Variants in CNOT6 observed in about 807,000 individuals in gnomAD.
CNOT6 encodes the protein carbon catabolite repression 4 protein.
In CNOT6, 12 loss-of-function variants were observed where a neutral mutation model predicts 61.2. That is an observed-to-expected ratio of 0.20 (90% confidence interval 0.13 to 0.32). CNOT6 has a LOEUF of 0.32. Ranked by LOEUF, CNOT6 falls within the 10% of genes least tolerant of loss-of-function variation. CNOT6 has a pLI of 1.00. For synonymous variants in CNOT6, 225 were observed against 240.6 expected (o/e 0.94, Z 0.60); for missense variants, 405 against 663.9 (o/e 0.61, Z 4.28).
intron 2 of CNOT6, among the ~76,000 whole-genome samples, chr5:180,549,420 CGGGCA>C (rs1301518677): frequency 6.6e-6 from 1 of 152,008 alleles, no homozygotes; most frequent in Non-Finnish European, 1.5e-5. Context: ...GAGGCCAAGG[CGGGCA>C]GATCACAAGG....
At position 180,576,429 on chromosome 5, in the gene CNOT6, A is replaced by G. The variant is rs1270335631; in HGVS notation, c.*2229A>G. 6.6e-6 allele frequency: 1 copy of G among 152,652 alleles called. No individual in the cohort carries two copies. Among genetic ancestry groups the G allele is most frequent in the Non-Finnish European group, 1.5e-5 (1 of 68,044 alleles). The allele number at this position is 152,652 out of a possible 1,614,324, so 9.5% of individuals were successfully genotyped here. A position where few individuals can be genotyped will look rare whatever the true frequency, so the allele number is the denominator to read the frequency against. Reference sequence around the variant, plus strand: ...CTAGAGTGCACTTGTTAGATGCTAAAGGTTTGAGCTTTACACAAAATGTCT... The same window carrying G: ...CTAGAGTGCACTTGTTAGATGCTAAGGGTTTGAGCTTTACACAAAATGTCT... On this transcript the variant is annotated 3_prime_UTR_variant, in exon 12 of 12. Coordinates refer to ENST00000261951, the MANE Select transcript of CNOT6 (RefSeq NM_001370472.1).
intron 1 of CNOT6, among the ~76,000 whole-genome samples, chr5:180,523,612 C>G (rs1219735717): frequency 6.6e-6 from 1 of 152,070 alleles, no homozygotes; most frequent in Non-Finnish European, 1.5e-5. Flanking sequence ...TCTGCTTGGT[C>G]TTTGTGGGTA....
chr5:180,547,148 G>A (rs976990483), intron 2 of CNOT6, among the ~76,000 whole-genome samples: 2 of 152,154 alleles, frequency 1.3e-5, no homozygotes, highest in African/African-American at 4.8e-5. Flanking sequence ...TTTGTCAGAA[G>A]TTAATTTGCC....
intron 2 of CNOT6, among the ~76,000 whole-genome samples, chr5:180,535,994 T>TG (rs1343678177): frequency 1.3e-4 from 5 of 38,264 alleles, no homozygotes; most frequent in African/African-American, 3.1e-4. Flanking sequence ...TAGGGTTTTT[T>TG]TTTTTTTTTT....
intron 3 of CNOT6, 43 bp from the exon 4 acceptor site, chr5:180,553,343 G>T (rs373008937): frequency 5.1e-6 from 7 of 1,360,990 alleles, no homozygotes; most frequent in South Asian, 4.7e-5. Flanking sequence ...ACTGTTAAAG[G>T]CTAACATATT....
At chr5:180,542,389 C>CGA (rs1335381544) in intron 2 of CNOT6, among the ~76,000 whole-genome samples, 1 of 151,996 alleles carries the variant, frequency 6.6e-6, no homozygotes, top group African/African-American at 2.4e-5. Context: ...ATCAGCCTCC[C>CGA]GAGTAGCTGG....
At chr5:180,551,872 CT>C (rs762227651) in intron 3 of CNOT6, among the ~76,000 whole-genome samples, 240 of 140,410 alleles carry the variant, frequency 1.7e-3, no homozygotes, top group Non-Finnish European at 1.8e-3. Context: ...TTTTCTTTTT[CT>C]TTTTTTTTTT....
chr5:180,503,007 G>T (rs999020330), intron 1 of CNOT6, among the ~76,000 whole-genome samples: 8 of 152,076 alleles, frequency 5.3e-5, no homozygotes, highest in African/African-American at 1.9e-4. Flanking sequence ...ATTGTCATTT[G>T]GTTTTTAGTT....
intron 3 of CNOT6, among the ~76,000 whole-genome samples, chr5:180,551,902 T>C (rs981431706): frequency 4.0e-5 from 6 of 151,588 alleles, no homozygotes; most frequent in African/African-American, 1.5e-4. Flanking sequence ...GGAATTTTAC[T>C]CTTGTCGCCC....
At chr5:180,518,242 A>G (rs1300325230) in intron 1 of CNOT6, among the ~76,000 whole-genome samples, 1 of 152,122 alleles carries the variant, frequency 6.6e-6, no homozygotes, top group Non-Finnish European at 1.5e-5. Context: ...CTTCTGTATC[A>G]TGTTGACATG....
intron 4 of CNOT6, among the ~76,000 whole-genome samples, chr5:180,557,469 C>G (rs1759955630): frequency 6.6e-6 from 1 of 152,122 alleles, no homozygotes; most frequent in South Asian, 2.1e-4. Context: ...TTACATTTCC[C>G]CAATAAAGAT....
rs139798355 is a variant in CNOT6, at chr5:180,550,066, C to T, written c.248C>T (p.Ser83Phe). The T allele has an allele frequency of 6.8e-6, 11 of 1,613,970 alleles. No individual in the cohort carries two copies. The highest frequency in any genetic ancestry group is 8.5e-6 in the Non-Finnish European group (10 of 1,179,960). ...LHNLVYLDLS[S>F]NKIRSLPAEL... ...AATCTGGTGTATTTGGACCTGTCAT[C>T]TAATAAAATTCGTAGCTTACCCGCA... Residue 83 changes from serine (S) to phenylalanine (F), a missense_variant, in exon 3 of 12, where the codon TCT becomes TTT. This residue lies in a region of CNOT6 where 212 missense variants were observed against 307.1 expected (regional missense o/e 0.69). Transcript: ENST00000261951.
intron 7 of CNOT6, 104 bp downstream of exon 7, chr5:180,566,081 A>G: frequency 9.3e-7 from 1 of 1,078,790 alleles, no homozygotes; most frequent in Non-Finnish European, 1.3e-6. Context: ...TAGTTCTTAA[A>G]GTACTGCTTT....
chr5:180,555,870 T>TG (rs1213884313), intron 4 of CNOT6, among the ~76,000 whole-genome samples: 5 of 152,228 alleles, frequency 3.3e-5, no homozygotes, highest in Non-Finnish European at 7.3e-5. Flanking sequence ...TTGAAGTTGT[T>TG]GCAGAATGGC....
chr5:180,500,105 T>A (rs569700835), intron 1 of CNOT6, among the ~76,000 whole-genome samples: 1 of 116,408 alleles, frequency 8.6e-6, no homozygotes, highest in Admixed American at 8.4e-5. Flanking sequence ...TTCTTTTTTT[T>A]TCCCCCCTTT....
chr5:180,529,809 G>A (rs1758269661), intron 2 of CNOT6, among the ~76,000 whole-genome samples: 1 of 152,192 alleles, frequency 6.6e-6, no homozygotes, highest in Non-Finnish European at 1.5e-5. Context: ...TAGGTTTTGG[G>A]TAGGTTTGTT....
chr5:180,568,886 A>G (rs1313986564), intron 9 of CNOT6, among the ~76,000 whole-genome samples: 3 of 152,202 alleles, frequency 2.0e-5, no homozygotes, highest in African/African-American at 7.2e-5. Context: ...AAATAGGGCT[A>G]TTTTTGTACA....
intron 4 of CNOT6, among the ~76,000 whole-genome samples, chr5:180,558,934 C>T (rs11740213): frequency 0.25 from 38,350 of 152,042 alleles, 5,830 homozygotes; most frequent in Middle Eastern, 0.4. Context: ...ACTTTACCCC[C>T]GGCTTGGTTC....
At chr5:180,553,257 C>T (rs1047203550) in intron 3 of CNOT6, 129 bp from the exon 4 acceptor site, 2 of 500,802 alleles carry the variant, frequency 4.0e-6, no homozygotes, top group Middle Eastern at 4.9e-4. Context: ...AAACGCAGTA[C>T]TAGACATTGA....
Sources: gnomAD v4.1 joint callset for allele counts (sites outside exome capture counted in the v4.1 genomes callset) on GRCh38, gnomAD v4.1.1 for gene constraint, gnomAD v4.1.1 regional missense constraint, MANE v1.5 for transcripts, NCBI Gene and HGNC (gene_info 2026-07-23, HGNC 2026-07-21) for gene names.